Variants in RUFY4 observed in about 807,000 individuals in gnomAD.
RUFY4 encodes RUN and FYVE domain-containing protein 4.
Under a neutral mutation model 69.0 loss-of-function variants are expected in RUFY4, and 73 were observed. That is an observed-to-expected ratio of 1.06 (90% CI 0.88 to 1.29). RUFY4 has a LOEUF of 1.29. RUFY4 is among the 50% of genes most tolerant of loss of function. The pLI, the probability that RUFY4 is intolerant of heterozygous loss-of-function variation, is 0.00. For missense variants in RUFY4, 770 were observed against 705.6 expected (o/e 1.09, Z -1.03); for synonymous variants, 287 against 271.8 (o/e 1.06, Z -0.55).
intron 3 of RUFY4, among the ~76,000 whole-genome samples, chr2:218,062,433 C>A (rs1355092419): frequency 1.3e-5 from 2 of 148,408 alleles, no homozygotes; most frequent in African/African-American, 5.0e-5. Flanking sequence ...TGATAAGTGG[C>A]CGGGCATGGT....
intron 9 of RUFY4, among the ~76,000 whole-genome samples, chr2:218,088,726 C>T (rs1008862321): frequency 6.6e-6 from 1 of 152,114 alleles, no homozygotes; most frequent in Non-Finnish European, 1.5e-5. Flanking sequence ...TGATCTCTTG[C>T]ATGTGTCTCT....
At chr2:218,077,069 C>T (rs1004551848) in intron 8 of RUFY4, among the ~76,000 whole-genome samples, 3 of 152,200 alleles carry the variant, frequency 2.0e-5, no homozygotes, top group Non-Finnish European at 4.4e-5. Flanking sequence ...TTCTATAGAA[C>T]CCCCATTTTA....
intron 7 of RUFY4, among the ~76,000 whole-genome samples, 191 bp downstream of exon 9, chr2:218,075,931 C>T (rs1419767504): frequency 6.6e-6 from 1 of 152,064 alleles, no homozygotes; most frequent in African/African-American, 2.4e-5. Flanking sequence ...CCGCCTCTCC[C>T]TATTGCCCCA....
At chr2:218,081,864 C>T (rs1689765968) in intron 8 of RUFY4, among the ~76,000 whole-genome samples, 1 of 152,238 alleles carries the variant, frequency 6.6e-6, no homozygotes, top group African/African-American at 2.4e-5. Flanking sequence ...ACTTTCTTCC[C>T]TGCAACATGC....
upstream of RUFY4, among the ~76,000 whole-genome samples, chr2:218,067,294 A>C (rs891524896): frequency 6.6e-6 from 1 of 152,126 alleles, no homozygotes; most frequent in Non-Finnish European, 1.5e-5. Context: ...CACACAGCAC[A>C]CATGGGAGGG....
upstream of RUFY4, chr2:218,068,986 G>A (rs1689415930): frequency 1.3e-5 from 2 of 152,504 alleles, no homozygotes; most frequent in Admixed American, 6.5e-5. Flanking sequence ...TGGTGAGAAG[G>A]AGAAAAGCAA....
chr2:218,037,355 G>A lies in RUFY4; in HGVS notation c.-1158+1961G>A, dbSNP rs149166780. ...AAGATAATAAACTGAAAAACAATGAGCAGGGCTACAATCTAATAACAGGCA... is the reference window on the plus strand; with the variant it reads ...AAGATAATAAACTGAAAAACAATGAACAGGGCTACAATCTAATAACAGGCA... On this transcript the variant is annotated intron_variant and NMD_transcript_variant, in intron 2 of 13. Transcript: ENST00000457754. Among the ~76,000 whole-genome samples, 312 of 151,832 alleles carry A rather than the reference G, an allele frequency of 2.1e-3. 4 individuals are homozygous for A. The highest frequency in any genetic ancestry group is 7.1e-3 in the African/African-American group (293 of 41,390).
At chr2:218,081,628 G>C (rs1034651393) in intron 8 of RUFY4, among the ~76,000 whole-genome samples, 2 of 152,150 alleles carry the variant, frequency 1.3e-5, no homozygotes, top group Non-Finnish European at 2.9e-5. Context: ...TACACACCAC[G>C]GTGATCACAT....
chr2:218,083,265 G>A lies in RUFY4; in HGVS notation c.1502+9G>A, dbSNP rs372513385. On this transcript the variant is annotated intron_variant, in intron 9 of 10. Transcript: ENST00000344321. ...GTGTTGGAACTGATCCAGTAAGGAC[G>A]GGGACAGTGGGAAAGGGGAAACAGA... 6.8e-5 allele frequency: 107 copies of A among 1,576,570 alleles called. No individual in the cohort carries two copies. The highest frequency in any genetic ancestry group is 6.1e-4 in the East Asian group (27 of 44,134).
intron 3 of RUFY4, chr2:218,060,774 T>G: frequency 1.3e-6 from 2 of 1,569,010 alleles, no homozygotes; most frequent in Non-Finnish European, 1.8e-6. Flanking sequence ...GCCAAAGGAC[T>G]GGGGCAGGAT....
chr2:218,069,379 G>A (rs917648999), upstream of RUFY4: 9 of 152,172 alleles, frequency 5.9e-5, no homozygotes, highest in Non-Finnish European at 1.3e-4. Context: ...TGGAACTTAC[G>A]GGGATAGAAG....
intron 9 of RUFY4, 103 bp downstream of exon 11, chr2:218,083,359 G>C (rs1290738231): frequency 7.0e-7 from 1 of 1,425,678 alleles, no homozygotes. Flanking sequence ...TCCCAAGCAG[G>C]GTTCTAGACC....
At chr2:218,061,817 A>T (rs1224416643) in intron 3 of RUFY4, among the ~76,000 whole-genome samples, 1 of 152,206 alleles carries the variant, frequency 6.6e-6, no homozygotes, top group Non-Finnish European at 1.5e-5. Context: ...CAGAAACATG[A>T]GATGCCACTC....
intron 10 of RUFY4, chr2:218,089,743 G>A (rs1689986495): frequency 1.4e-6 from 1 of 704,590 alleles, no homozygotes. Flanking sequence ...GCTGCCATGT[G>A]GAGGTGGAGG....
chr2:218,046,215 C>G (rs145402074), intron 2 of RUFY4, among the ~76,000 whole-genome samples: 120 of 152,088 alleles, frequency 7.9e-4, no homozygotes, highest in African/African-American at 2.7e-3. Context: ...TCAATATCCT[C>G]TCTTCTAGCT....
exon 3 of RUFY4, chr2:218,072,376 T>C: frequency 6.5e-7 from 1 of 1,537,284 alleles, no homozygotes; most frequent in Non-Finnish European, 8.7e-7. Context: ...GGTTCTAGTT[T>C]GACCAGAAAG....
chr2:218,082,266 A>G (rs548220167), intron 8 of RUFY4, among the ~76,000 whole-genome samples: 1 of 152,328 alleles, frequency 6.6e-6, no homozygotes, highest in African/African-American at 2.4e-5. Context: ...AGGTAACATA[A>G]CTTTTTAAAA....
chr2:218,057,683 T>C (rs1689093368), intron 2 of RUFY4, among the ~76,000 whole-genome samples: 1 of 152,250 alleles, frequency 6.6e-6, no homozygotes, highest in African/African-American at 2.4e-5. Context: ...CTATTTATAA[T>C]CAATCTGTGT....
chr2:218,073,713 C>A, intron 5 of RUFY4, 103 bp from the exon 8 acceptor site: 1 of 1,265,042 alleles, frequency 7.9e-7, no homozygotes, highest in South Asian at 1.3e-5. Flanking sequence ...GAGGAAGTGT[C>A]ATGGGATGAA....
Sources: allele counts gnomAD v4.1 joint callset (sites outside exome capture counted in the v4.1 genomes callset), GRCh38; gene constraint gnomAD v4.1.1; transcripts MANE v1.5; gene names NCBI Gene and HGNC (gene_info 2026-07-23, HGNC 2026-07-21).